The following PARVB variants were observed in gnomAD, a reference collection of about 807,000 sequenced individuals.
The protein encoded by PARVB is beta-parvin.
Under a neutral mutation model 47.0 loss-of-function variants are expected in PARVB, and 46 were observed. That is an observed-to-expected ratio of 0.98 (90% CI 0.77 to 1.25). PARVB has a LOEUF of 1.25. Ranked by LOEUF, PARVB falls within the 50% of genes most tolerant of loss-of-function variation. The pLI is 0.00. For synonymous variants in PARVB, 196 were observed against 196.3 expected (o/e 1.00, Z 0.01); for missense variants, 473 against 471.6 (o/e 1.00, Z -0.03).
upstream of PARVB, among the ~76,000 whole-genome samples, chr22:44,021,756 GACTCACACAC>G (rs1161663962): frequency 0.017 from 1,737 of 105,084 alleles, 48 homozygotes; most frequent in South Asian, 0.072. Flanking sequence ...GTAAAGTCTA[GACTCACACAC>G]ACACACACAC....
intron 2 of PARVB, among the ~76,000 whole-genome samples, chr22:44,012,476 G>A (rs566382257): frequency 2.0e-5 from 3 of 152,244 alleles, no homozygotes; most frequent in Admixed American, 1.3e-4. Flanking sequence ...TGTGAACATC[G>A]CAGGTTACTC....
At chr22:44,046,258 T>C (rs756784445) in intron 1 of PARVB, among the ~76,000 whole-genome samples, 2 of 152,248 alleles carry the variant, frequency 1.3e-5, no homozygotes, top group Admixed American at 6.5e-5. Flanking sequence ...CTGTGTCACC[T>C]ACTTGCCTAG....
intron 1 of PARVB, among the ~76,000 whole-genome samples, chr22:44,090,844 C>T (rs537558654): frequency 1.2e-3 from 176 of 152,364 alleles, no homozygotes; most frequent in Non-Finnish European, 1.9e-3. Flanking sequence ...TCCACCCCGA[C>T]CCCCTGTGCT....
At chr22:44,147,660 C>T (rs185430546) in intron 8 of PARVB, 25 of 743,418 alleles carry the variant, frequency 3.4e-5, no homozygotes, top group Middle Eastern at 2.9e-4. Flanking sequence ...TGTTCCCAAG[C>T]GCTCTTGCTC....
intron 1 of PARVB, among the ~76,000 whole-genome samples, chr22:44,037,089 A>G (rs1374391377): frequency 1.3e-5 from 2 of 152,236 alleles, no homozygotes; most frequent in Non-Finnish European, 2.9e-5. Context: ...TGGGAGGCCA[A>G]GGCAGGAGGA....
chr22:44,120,298 G>A lies in PARVB; in HGVS notation c.376+1158G>A, dbSNP rs561446036. Among the ~76,000 whole-genome samples the A allele has an allele frequency of 3.3e-3, 509 of 152,340 alleles. 2 individuals are homozygous for A. The highest frequency in any genetic ancestry group is 4.6e-3 in the Non-Finnish European group (316 of 68,030). ...CGATGCCTTTTGTTTGGATCCAGGA[G>A]TGAATCACACATGAACGTTTGTCTC... On this transcript the variant is annotated intron_variant, in intron 4 of 12. Transcript: ENST00000338758.
intron 3 of PARVB, among the ~76,000 whole-genome samples, chr22:44,117,736 A>G (rs1053207291): frequency 6.6e-6 from 1 of 152,216 alleles, no homozygotes; most frequent in Non-Finnish European, 1.5e-5. Context: ...TCAGAGTGAC[A>G]GGGGACGGTA....
chr22:44,124,880 G>C (rs975972261), intron 4 of PARVB, among the ~76,000 whole-genome samples: 1 of 152,198 alleles, frequency 6.6e-6, no homozygotes, highest in Non-Finnish European at 1.5e-5. Context: ...ATGGGTAGGG[G>C]GTGGGGTGCT....
intron 11 of PARVB, among the ~76,000 whole-genome samples, chr22:44,158,287 T>A (rs755849882): frequency 6.6e-6 from 1 of 152,260 alleles, no homozygotes; most frequent in Non-Finnish European, 1.5e-5. Context: ...CCGAGTTTTG[T>A]TTGCCACATT....
rs531137065 is a variant in PARVB, at chr22:44,100,263, A to C, written c.273+140A>C. 8.5e-6 allele frequency: 6 copies of C among 701,798 alleles called. No individual in the cohort carries two copies. The African/African-American group carries it at 8.8e-5, about 10-fold the overall frequency. 43.5% of individuals were successfully genotyped at this position (701,798 alleles called of 1,614,324 possible). A position where few individuals can be genotyped will look rare whatever the true frequency, so the allele number is the denominator to read the frequency against. On this transcript the variant is annotated intron_variant, in intron 3 of 12. Coordinates refer to ENST00000338758, the MANE Select transcript of PARVB (RefSeq NM_013327.5). ...GTGCTGCATGAGAAGGTGGGCAGAC[A>C]TGTTGGCAGAGGAGGACGGCAGAGA...
chr22:44,045,278 T>C (rs1199174657), intron 1 of PARVB, among the ~76,000 whole-genome samples: 1 of 152,094 alleles, frequency 6.6e-6, no homozygotes, highest in African/African-American at 2.4e-5. Flanking sequence ...AATACATACA[T>C]ACATAAAATA....
chr22:44,036,288 A>G lies in PARVB; in HGVS notation c.112+11837A>G, dbSNP rs1002052108. On this transcript the variant is annotated intron_variant, in intron 1 of 12. Transcript: ENST00000338758. ...AAAATAAATACAATAAAATAAATAA[A>G]TACATAAGTACTGCATCTTTACATT... Among the ~76,000 whole-genome samples, 37 of 152,126 alleles carry G rather than the reference A, an allele frequency of 2.4e-4. 1 individual carries two copies. Among genetic ancestry groups the G allele is most frequent in the Admixed American group, 2.4e-3 (37 of 15,268 alleles).
chr22:44,093,531 C>T (rs955287212), intron 1 of PARVB, among the ~76,000 whole-genome samples: 18 of 152,182 alleles, frequency 1.2e-4, no homozygotes, highest in South Asian at 2.1e-4. Flanking sequence ...TGGTTCAGGA[C>T]GCAGCCCCCC....
chr22:44,134,243 G>T (rs1384883379), intron 6 of PARVB, among the ~76,000 whole-genome samples: 1 of 152,210 alleles, frequency 6.6e-6, no homozygotes, highest in Non-Finnish European at 1.5e-5. Flanking sequence ...CCTGCCATGT[G>T]TCCATGTTTC....
intron 1 of PARVB, among the ~76,000 whole-genome samples, chr22:44,044,850 A>C (rs938562396): frequency 6.6e-6 from 1 of 152,194 alleles, no homozygotes; most frequent in Non-Finnish European, 1.5e-5. Flanking sequence ...ATTTCCATAA[A>C]AACCCCAGTT....
At chr22:44,116,995 G>A (rs58212814) in intron 3 of PARVB, among the ~76,000 whole-genome samples, 58 of 152,302 alleles carry the variant, frequency 3.8e-4, no homozygotes, top group African/African-American at 1.2e-3. Flanking sequence ...GAAGTAGGGT[G>A]AGAAGGCAAA....
intron 9 of PARVB, chr22:44,150,331 AT>A (rs2053776318): frequency 6.6e-6 from 1 of 151,880 alleles, no homozygotes; most frequent in Non-Finnish European, 1.5e-5. Flanking sequence ...TACTTACATA[AT>A]AGGGCTCAGA....
At chr22:44,005,408 T>G (rs1237635649) in intron 2 of PARVB, among the ~76,000 whole-genome samples, 2 of 146,474 alleles carry the variant, frequency 1.4e-5, no homozygotes, top group African/African-American at 4.9e-5. Flanking sequence ...GTACCACGCC[T>G]GGCCGTTTTT....
chr22:44,162,281 A>G (rs2054070086), intron 11 of PARVB, among the ~76,000 whole-genome samples: 2 of 152,192 alleles, frequency 1.3e-5, no homozygotes, highest in South Asian at 4.1e-4. Flanking sequence ...ATTGGCCTCA[A>G]AATCATGAAA....
Sources: gnomAD v4.1 joint callset for allele counts (sites outside exome capture counted in the v4.1 genomes callset) on GRCh38, gnomAD v4.1.1 for gene constraint, MANE v1.5 for transcripts, NCBI Gene and HGNC (gene_info 2026-07-23, HGNC 2026-07-21) for gene names.